The following TFDP2 variants were observed in gnomAD, a reference collection of about 807,000 sequenced individuals.
TFDP2 encodes the protein transcription factor Dp-2, also known as transcription factor Dp-2 (E2F dimerization partner 2).
A neutral mutation model predicts 59.3 loss-of-function variants in TFDP2; 17 were observed. That is an observed-to-expected ratio of 0.29 (90% CI 0.20 to 0.43). The LOEUF (loss-of-function observed/expected upper bound fraction) is 0.43, where lower values mean the gene tolerates loss of function less well. Ranked by LOEUF, TFDP2 falls within the 20% of genes least tolerant of loss-of-function variation. The pLI, the probability that TFDP2 is intolerant of heterozygous loss-of-function variation, is 1.00. For synonymous variants in TFDP2, 180 were observed against 194.7 expected, an observed-to-expected ratio of 0.92 and a Z score of 0.63; for missense variants, 391 against 528.8, an observed-to-expected ratio of 0.74 and a Z score of 2.56.
intron 3 of TFDP2, among the ~76,000 whole-genome samples, chr3:142,085,329 C>T (rs562229917): frequency 2.2e-4 from 32 of 146,228 alleles, no homozygotes; most frequent in African/African-American, 8.9e-4. Flanking sequence ...GTGATTATTA[C>T]ACATTTGATA....
At chr3:142,069,610 C>CTT (rs879529033) in intron 3 of TFDP2, among the ~76,000 whole-genome samples, 3 of 143,532 alleles carry the variant, frequency 2.1e-5, no homozygotes, top group Admixed American at 7.0e-5. Context: ...TTTTCCTTTC[C>CTT]TTTTTTTTTT....
intron 3 of TFDP2, among the ~76,000 whole-genome samples, chr3:142,022,661 AC>A (rs1945704885): frequency 6.6e-6 from 1 of 152,216 alleles, no homozygotes; most frequent in Admixed American, 6.5e-5. Flanking sequence ...GTACTCAAAT[AC>A]CCAAGAGTAC....
intron 1 of TFDP2, among the ~76,000 whole-genome samples, chr3:142,141,132 G>A (rs1027562403): frequency 7.2e-5 from 11 of 152,168 alleles, no homozygotes; most frequent in African/African-American, 2.2e-4. Flanking sequence ...AGACTACTTC[G>A]CTAGCAGTGA....
intron 1 of TFDP2, among the ~76,000 whole-genome samples, chr3:142,147,473 G>A (rs952737909): frequency 1.3e-5 from 2 of 152,160 alleles, no homozygotes; most frequent in Admixed American, 6.5e-5. Flanking sequence ...TTAGCTGCCA[G>A]AGAAAAACTT....
At chr3:142,094,808 C>T (rs909677183) in intron 2 of TFDP2, among the ~76,000 whole-genome samples, 3 of 151,978 alleles carry the variant, frequency 2.0e-5, no homozygotes, top group Non-Finnish European at 4.4e-5. Flanking sequence ...ATGTGTGTTG[C>T]GAAGATTCAA....
At chr3:142,100,528 G>A (rs2061288211) in intron 2 of TFDP2, among the ~76,000 whole-genome samples, 2 of 151,870 alleles carry the variant, frequency 1.3e-5, no homozygotes, top group East Asian at 1.9e-4. Context: ...GTCTGTCACC[G>A]CGCCTGGCTA....
chr3:142,072,500 A>G (rs2060281503), intron 3 of TFDP2, among the ~76,000 whole-genome samples: 1 of 152,254 alleles, frequency 6.6e-6, no homozygotes, highest in Admixed American at 6.5e-5. Context: ...CTCATTTAGC[A>G]CTGAGATACT....
At chr3:142,002,406 G>T (rs1165579048) in intron 4 of TFDP2, among the ~76,000 whole-genome samples, 1 of 135,414 alleles carries the variant, frequency 7.4e-6, no homozygotes, top group Non-Finnish European at 1.5e-5. Context: ...AAATCCTTCT[G>T]CCTTGGCCTC....
chr3:141,955,136 T>C (rs985337754), intron 11 of TFDP2, among the ~76,000 whole-genome samples: 1 of 152,230 alleles, frequency 6.6e-6, no homozygotes, highest in African/African-American at 2.4e-5. Context: ...AGCTATTTAC[T>C]TGTTTGTGAG....
At chr3:142,059,457 A>G (rs1414734810) in intron 3 of TFDP2, among the ~76,000 whole-genome samples, 1 of 152,234 alleles carries the variant, frequency 6.6e-6, no homozygotes, top group Admixed American at 6.5e-5. Flanking sequence ...TTCTAATACC[A>G]CACTATTACA....
chr3:141,965,559 G>GAGGGGGAGGGGA (rs1701606550), intron 9 of TFDP2, among the ~76,000 whole-genome samples: 1 of 135,794 alleles, frequency 7.4e-6, no homozygotes, highest in Non-Finnish European at 1.6e-5. Context: ...GGGGAAGGGG[G>GAGGGGGAGGGGA]AGGGGAAGGG....
intron 1 of TFDP2, among the ~76,000 whole-genome samples, chr3:142,127,675 G>A (rs1383130615): frequency 6.6e-6 from 1 of 151,902 alleles, no homozygotes; most frequent in Non-Finnish European, 1.5e-5. Context: ...GTTGAGATGG[G>A]ATCTCACTGT....
rs543578265 is a variant in TFDP2 at position 142,133,365 on chromosome 3, C to T, written c.-93+15818G>A. Among the ~76,000 whole-genome samples the T allele has an allele frequency of 1.9e-4, 29 of 149,258 alleles. 1 individual carries two copies. Among genetic ancestry groups the T allele is most frequent in the South Asian group, 4.2e-4 (2 of 4,784 alleles). ...CTGGGTAGCTGGGACTACAGGTGTG[C>T]GCCATCACACCCCGCTAATATTTTT... On this transcript the variant is annotated intron_variant, in intron 1 of 12. Transcript: ENST00000489671.
intron 3 of TFDP2, among the ~76,000 whole-genome samples, chr3:142,010,193 T>C (rs1444106882): frequency 1.3e-5 from 2 of 151,056 alleles, no homozygotes; most frequent in Non-Finnish European, 3.0e-5. Context: ...TTTTTGTTTA[T>C]TTAACCTACT....
rs368277736 is a variant in TFDP2 at position 141,963,958 on chromosome 3, G to A, written c.738C>T (p.Ile246=). ...TTCTCTGTACCAGGTTTTTGAAAGC[G>A]ATTTGCTGTAATGATCAATAAAAAC... The part of the protein sequence containing the change: ...AQLQELLLQQ[I]AFKNLVQRNR... The change falls in exon 10 of 13, where the codon ATC becomes ATT. Residue 246 remains isoleucine (I), a synonymous_variant. Transcript: ENST00000489671. The A allele has an allele frequency of 2.0e-5, 32 of 1,613,006 alleles. No individual in the cohort carries two copies. Among genetic ancestry groups the A allele is most frequent in the Middle Eastern group, 1.6e-4 (1 of 6,080 alleles).
intron 3 of TFDP2, among the ~76,000 whole-genome samples, chr3:142,085,097 T>C (rs1435666427): frequency 6.6e-6 from 1 of 152,092 alleles, no homozygotes; most frequent in Non-Finnish European, 1.5e-5. Context: ...ATTTTTATAT[T>C]TTTAGTAGAG....
chr3:142,006,202 G>A (rs544510597), intron 3 of TFDP2, among the ~76,000 whole-genome samples: 1 of 152,200 alleles, frequency 6.6e-6, no homozygotes, highest in East Asian at 1.9e-4. Context: ...AAAAGGAAAA[G>A]CCAACCTATT....
chr3:142,032,504 C>A (rs1329227177), intron 3 of TFDP2, among the ~76,000 whole-genome samples: 1 of 152,182 alleles, frequency 6.6e-6, no homozygotes, highest in East Asian at 1.9e-4. Context: ...GCTTTATCAC[C>A]TCTACAAAGA....
At chr3:142,027,857 CAT>C in intron 3 of TFDP2, among the ~76,000 whole-genome samples, 1 of 152,220 alleles carries the variant, frequency 6.6e-6, no homozygotes, top group South Asian at 2.1e-4. Flanking sequence ...CCAAGGCTAA[CAT>C]AATGGCAGTC....
Sources: allele counts gnomAD v4.1 joint callset (sites outside exome capture counted in the v4.1 genomes callset), GRCh38; gene constraint gnomAD v4.1.1; transcripts MANE v1.5; gene names NCBI Gene and HGNC (gene_info 2026-07-23, HGNC 2026-07-21).